CYP2A7: variants seen among roughly 807,000 people sequenced by gnomAD.
The protein encoded by CYP2A7 is cytochrome P450 2A7.
CYP2A7 carries 36 observed loss-of-function variants against 42.0 expected under a neutral mutation model. That is an observed-to-expected ratio of 0.86 (90% confidence interval 0.66 to 1.13). The LOEUF (loss-of-function observed/expected upper bound fraction) is 1.13, where lower values mean the gene tolerates loss of function less well. Among genes scored for constraint, CYP2A7 ranks in the 50% most tolerant of loss-of-function variants. CYP2A7 has a pLI of 0.00. For missense variants in CYP2A7, 661 were observed against 634.1 expected (o/e 1.04, Z -0.46); for synonymous variants, 260 against 249.5 (o/e 1.04, Z -0.40).
intron 5 of CYP2A7, among the ~76,000 whole-genome samples, 175 bp downstream of exon 5, chr19:40,878,585 T>A (rs1255336660): frequency 1.3e-5 from 2 of 151,806 alleles, no homozygotes. Context: ...TCCACCTGCC[T>A]CGGCCTCCCA....
Position 40,878,981 on chromosome 19 carries a change from G to A in CYP2A7, c.655-45C>T, listed in dbSNP as rs774776666. 15 of 1,573,744 alleles carry A rather than the reference G, an allele frequency of 9.5e-6. 1 individual carries two copies. The highest frequency in any genetic ancestry group is 8.6e-5 in the Admixed American group (5 of 58,034). Reference sequence around the variant, plus strand: ...ATGGGAAGGGAAGGACAGCTGTCACGGGGCAGGAGCTGATGGGAATGGGAT... The same window carrying A: ...ATGGGAAGGGAAGGACAGCTGTCACAGGGCAGGAGCTGATGGGAATGGGAT... On this transcript the variant is annotated intron_variant, in intron 4 of 8. Transcript: ENST00000301146.
chr19:40,881,240 A>C lies in CYP2A7; in HGVS notation c.343+349T>G, dbSNP rs140279272. ...AAGTGGAGAGAGGAGAAACATGGAG[A>C]AGCACAGAAGCTGAGAGCAACAAAA... On this transcript the variant is annotated intron_variant, in intron 2 of 8. Coordinates refer to ENST00000301146, the MANE Select transcript of CYP2A7 (RefSeq NM_000764.3). Among the ~76,000 whole-genome samples the C allele has an allele frequency of 1.8e-3, 273 of 151,544 alleles. 2 individuals carry two copies. The highest frequency in any genetic ancestry group is 6.2e-3 in the African/African-American group (258 of 41,414).
Position 40,878,970 on chromosome 19 carries a change from A to T in CYP2A7, c.655-34T>A, listed in dbSNP as rs769825934. 2.5e-6 allele frequency: 4 copies of T among 1,588,718 alleles called. No homozygotes were observed. In the East Asian group the frequency reaches 8.9e-5, roughly 35 times the overall value. ...GCAGAGAGAGGATGGGAAGGGAAGG[A>T]CAGCTGTCACGGGGCAGGAGCTGAT... On this transcript the variant is annotated intron_variant, in intron 4 of 8. Coordinates refer to ENST00000301146, the MANE Select transcript of CYP2A7 (RefSeq NM_000764.3).
intron 1 of CYP2A7, 53 bp downstream of exon 1, chr19:40,881,978 A>G: frequency 6.3e-7 from 1 of 1,579,992 alleles, no homozygotes; most frequent in Non-Finnish European, 8.6e-7. Flanking sequence ...ACAAAGCCCC[A>G]GCCAACTAGG....
At position 40,878,739 on chromosome 19, in the gene CYP2A7, G is replaced by A. The variant is rs191003934; in HGVS notation, c.831+21C>T. On this transcript the variant is annotated intron_variant, in intron 5 of 8. Transcript: ENST00000301146. ...CCTCTGCCTGGCTTTGCACCTCCCC[G>A]CACTGGCTGCTGGGGTGTACCTCCT... 393 of 1,610,074 alleles carry A rather than the reference G, an allele frequency of 2.4e-4. 13 individuals are homozygous for A. Among genetic ancestry groups the A allele is most frequent in the Admixed American group, 1.5e-3 (89 of 59,748 alleles).
chr19:40,880,555 C>A lies in CYP2A7; in HGVS notation c.417G>T (p.Gly139=). The part of the protein sequence containing the change: ...RFAIATLRDF[G]VGKRGIEERI... Reference sequence around the variant, plus strand: ...GCTCCTCGATGCCTCGCTTGCCCACCCCGAAGTCCCTCAGGGTGGCGATGG... The same window carrying A: ...GCTCCTCGATGCCTCGCTTGCCCACACCGAAGTCCCTCAGGGTGGCGATGG... Residue 139 remains glycine, a synonymous_variant, in exon 3 of 9, where the codon GGG becomes GGT. Coordinates refer to ENST00000301146, the MANE Select transcript of CYP2A7 (RefSeq NM_000764.3). 6.2e-7 allele frequency: 1 copy of A among 1,611,550 alleles called. No homozygotes were observed. Among genetic ancestry groups the A allele is most frequent in the East Asian group, 2.2e-5 (1 of 44,812 alleles).
rs549997563 is a variant in CYP2A7, at chr19:40,880,536, C to A, written c.436G>T (p.Glu146Ter). 3.5e-5 allele frequency: 57 copies of A among 1,611,924 alleles called. No individual in the cohort carries two copies. The Admixed American group carries it at 9.2e-4, about 26-fold the overall frequency. The part of the protein sequence containing the change: ...RDFGVGKRGI[E>*]ERIQEESGFL... ...CCCGACTCCTCCTGGATGCGCTCCT[C>A]GATGCCTCGCTTGCCCACCCCGAAG... is the stretch of plus-strand genomic sequence containing the variant. The change falls in exon 3 of 9, where the codon GAG becomes TAG. Residue 146 changes from glutamate to a stop codon, truncating the protein, a stop_gained. Coordinates refer to ENST00000301146, the MANE Select transcript of CYP2A7 (RefSeq NM_000764.3). LOFTEE classifies it high-confidence loss of function.
Position 40,881,634 on chromosome 19 carries a change from CG to C in CYP2A7, c.297del (p.Ser99ArgfsTer37), listed in dbSNP as rs1967691929. ...EALVDQAEEF[S>X]GRGEQATFDW... ...TCGAAGGTGGCTTGCTCGCCTCGCC[CG>C]CTGAACTCCTCAGCCTGGTCCACCA... On this transcript the variant is annotated frameshift_variant, in exon 2 of 9. Coordinates refer to ENST00000301146, the MANE Select transcript of CYP2A7 (RefSeq NM_000764.3). LOFTEE classifies it high-confidence loss of function. The C allele has an allele frequency of 6.2e-7, 1 of 1,612,848 alleles. No homozygotes were observed. Among genetic ancestry groups the C allele is most frequent in the Admixed American group, 1.7e-5 (1 of 59,958 alleles).
At chr19:40,881,158 A>G (rs1371190191) in intron 2 of CYP2A7, among the ~76,000 whole-genome samples, 2 of 151,578 alleles carry the variant, frequency 1.3e-5, no homozygotes, top group African/African-American at 2.4e-5. Flanking sequence ...TGGAGGCTGG[A>G]GATGTGGAAG....
At position 40,882,182 on chromosome 19, in the gene CYP2A7, G is replaced by A. The variant is rs1181485163; in HGVS notation, c.29C>T (p.Ala10Val). 2 of 1,613,970 alleles carry A rather than the reference G, an allele frequency of 1.2e-6. No homozygotes were observed. The highest frequency in any genetic ancestry group is 1.7e-6 in the Non-Finnish European group (2 of 1,179,832). Reference sequence around the variant, plus strand: ...CATCACAGTCAGGCAGGCCAGCAAGGCCACCAGAAGCAGCCCTGAGGCCAG... The same window carrying A: ...CATCACAGTCAGGCAGGCCAGCAAGACCACCAGAAGCAGCCCTGAGGCCAG... MLASGLLLVALLACLTVMVL... is the reference protein window; with the variant it reads MLASGLLLVVLLACLTVMVL... Residue 10 changes from alanine (A) to valine (V), a missense_variant, in exon 1 of 9, where the codon GCC becomes GTC. Physicochemically the swap from Ala to Val is moderately conservative, Grantham distance 64. Around this residue, in one of 3 missense-constraint regions of CYP2A7, gnomAD observed 614 missense variants for 552.4 expected, o/e 1.11. Coordinates refer to ENST00000301146, the MANE Select transcript of CYP2A7 (RefSeq NM_000764.3).
rs553323262 is a variant in CYP2A7 at position 40,879,411 on chromosome 19, T to TGGTGAA, written c.655-481_655-476dup. Among the ~76,000 whole-genome samples, 276 of 151,714 alleles carry TGGTGAA rather than the reference T, an allele frequency of 1.8e-3. 4 individuals carry two copies. The highest frequency in any genetic ancestry group is 6.6e-3 in the African/African-American group (273 of 41,476). ...AGGTGTTCAGGTATTAAAGTGGGGC[T>TGGTGAA]GGTGAAGATGTTGAAGTGCAGGGGA... On this transcript the variant is annotated intron_variant, in intron 4 of 8. Coordinates refer to ENST00000301146, the MANE Select transcript of CYP2A7 (RefSeq NM_000764.3).
At chr19:40,877,752 C>G in intron 6 of CYP2A7, 100 bp downstream of exon 6, 1 of 1,499,872 alleles carries the variant, frequency 6.7e-7, no homozygotes. Flanking sequence ...CAAGGCACGT[C>G]TCAGGGTCCT....
intron 5 of CYP2A7, among the ~76,000 whole-genome samples, chr19:40,878,358 A>T (rs1568526083): frequency 6.6e-6 from 1 of 151,670 alleles, no homozygotes; most frequent in Non-Finnish European, 1.5e-5. Flanking sequence ...CACGCGCATG[A>T]CCATGCAGGC....
At chr19:40,881,392 G>A (rs1967680831) in intron 2 of CYP2A7, among the ~76,000 whole-genome samples, 197 bp downstream of exon 2, 1 of 151,570 alleles carries the variant, frequency 6.6e-6, no homozygotes, top group African/African-American at 2.4e-5. Context: ...GAGAGGCAGG[G>A]AGGAATCACG....
chr19:40,876,360 C>T (rs1967530126), intron 8 of CYP2A7, 167 bp downstream of exon 8: 7 of 1,138,256 alleles, frequency 6.1e-6, no homozygotes, highest in Non-Finnish European at 7.8e-6. Context: ...GGTGCAGGTA[C>T]TGGGTGCTTG....
rs1967690018 is a variant in CYP2A7, at chr19:40,881,589, C to T, written c.343G>A (p.Gly115Ser). Residue 115 changes from glycine to serine, a missense_variant and splice_region_variant, in exon 2 of 9, where the codon GGC becomes AGC. Gly to Ser is a moderately conservative substitution (Grantham distance 56, BLOSUM62 0). Transcript: ENST00000301146. ...ATFDWVFKGY[G>S]VAFSNGERAK... Reference sequence around the variant, plus strand: ...TTCCCCATCTTGGGCACCCCCTCACCATAGCCTTTGAAGACCCAGTCGAAG... The same window carrying T: ...TTCCCCATCTTGGGCACCCCCTCACTATAGCCTTTGAAGACCCAGTCGAAG... 3 of 1,611,842 alleles carry T rather than the reference C, an allele frequency of 1.9e-6. No homozygotes were observed. Among genetic ancestry groups the T allele is most frequent in the East Asian group, 2.2e-5 (1 of 44,868 alleles).
At chr19:40,881,991 G>T in intron 1 of CYP2A7, 40 bp downstream of exon 1, 4 of 1,592,874 alleles carry the variant, frequency 2.5e-6, no homozygotes, top group Non-Finnish European at 3.4e-6. Context: ...CAACTAGGCA[G>T]CCCCCACCCT....
chr19:40,880,410 A>T, intron 3 of CYP2A7, 69 bp downstream of exon 3: 1 of 1,577,320 alleles, frequency 6.3e-7, no homozygotes, highest in African/African-American at 1.3e-5. Flanking sequence ...CCGCAGGCAG[A>T]ACGCGCGCGG....
At chr19:40,878,656 T>G in intron 5 of CYP2A7, 104 bp downstream of exon 5, 1 of 1,476,374 alleles carries the variant, frequency 6.8e-7, no homozygotes. Flanking sequence ...ATTATTATGA[T>G]GAGGGCTAAT....
Sources: allele counts gnomAD v4.1 joint callset (sites outside exome capture counted in the v4.1 genomes callset), GRCh38; gene constraint gnomAD v4.1.1; regional missense constraint gnomAD v4.1.1; transcripts MANE v1.5; gene names NCBI Gene and HGNC (gene_info 2026-07-23, HGNC 2026-07-21).